Variants in PUS10 observed in about 807,000 individuals in gnomAD.
PUS10 encodes pseudouridine synthase 10.
In PUS10, 59 loss-of-function variants were observed where a neutral mutation model predicts 75.0. That is an observed-to-expected ratio of 0.79 (90% CI 0.64 to 0.98). PUS10 has a LOEUF of 0.98. PUS10 is among the 50% of genes least tolerant of loss of function. The pLI, the probability that PUS10 is intolerant of heterozygous loss-of-function variation, is 0.00. For synonymous variants in PUS10, 219 were observed against 211.6 expected, an observed-to-expected ratio of 1.03 and a Z score of -0.30; for missense variants, 650 against 614.4, an observed-to-expected ratio of 1.06 and a Z score of -0.61.
chr2:60,944,315 T>C (rs901316522), intron 17 of PUS10: 1 of 671,666 alleles, frequency 1.5e-6, no homozygotes, highest in African/African-American at 2.0e-5. Context: ...CAGTGATCAT[T>C]TGATTACCAT....
chr2:61,017,364 G>A (rs182987063), intron 1 of PUS10: 1 of 170,940 alleles, frequency 5.9e-6, no homozygotes, highest in East Asian at 1.6e-4. Flanking sequence ...AAAACTGCCT[G>A]GTTTGCCACC....
chr2:61,006,815 A>G (rs1679243203), intron 3 of PUS10, among the ~76,000 whole-genome samples, 172 bp from the exon 4 acceptor site: 1 of 152,234 alleles, frequency 6.6e-6, no homozygotes, highest in African/African-American at 2.4e-5. Context: ...TTGCCTAACT[A>G]TGACCCTGAA....
rs760214416 is a variant in PUS10, at chr2:60,948,087, C to T, written c.1407G>A (p.Val469=). The T allele has an allele frequency of 9.9e-6, 16 of 1,613,982 alleles. No individual in the cohort carries two copies. Among genetic ancestry groups the T allele is most frequent in the Non-Finnish European group, 1.3e-5 (15 of 1,180,028 alleles). Residue 469 remains valine (V), a synonymous_variant, in exon 16 of 18, where the codon GTG becomes GTA. Coordinates refer to ENST00000316752, the MANE Select transcript of PUS10 (RefSeq NM_144709.4). The part of the protein sequence containing the change: ...RVIHFMETQY[V]DEHHFRLHLK... Reference sequence around the variant, plus strand: ...AGTGGAGGCGGAAGTGGTGCTCATCCACGTACTGTGTCTCCATGAAGTGAA... The same window carrying T: ...AGTGGAGGCGGAAGTGGTGCTCATCTACGTACTGTGTCTCCATGAAGTGAA...
chr2:60,949,759 C>T (rs923284432), intron 15 of PUS10, among the ~76,000 whole-genome samples: 1 of 152,158 alleles, frequency 6.6e-6, no homozygotes. Context: ...ACCCTTTCAC[C>T]ACTTAGTCTG....
intron 4 of PUS10, among the ~76,000 whole-genome samples, chr2:60,977,277 A>C (rs1398280071): frequency 6.6e-6 from 1 of 152,156 alleles, no homozygotes; most frequent in East Asian, 1.9e-4. Flanking sequence ...GAGAGGTGTT[A>C]AAAATGGTGT....
rs375875983 is a variant in PUS10 at position 60,941,668 on chromosome 2, T to G, written c.*727A>C. Reference sequence around the variant, plus strand: ...CTGGGATTGAAGTTATTAAAGGCACTTGTTTCTCCTTATTTAAAAGATTTA... The same window carrying G: ...CTGGGATTGAAGTTATTAAAGGCACGTGTTTCTCCTTATTTAAAAGATTTA... On this transcript the variant is annotated 3_prime_UTR_variant, in exon 18 of 18. Transcript: ENST00000316752. The G allele has an allele frequency of 4.6e-5, 7 of 152,338 alleles. No homozygotes were observed. The East Asian group carries it at 1.3e-3, about 29-fold the overall frequency. 9.4% of individuals were successfully genotyped at this position (152,338 alleles called of 1,614,324 possible). A position where few individuals can be genotyped will look rare whatever the true frequency, so the allele number is the denominator to read the frequency against.
intron 15 of PUS10, among the ~76,000 whole-genome samples, chr2:60,952,793 C>T (rs529437848): frequency 6.6e-6 from 1 of 152,298 alleles, no homozygotes; most frequent in Admixed American, 6.5e-5. Flanking sequence ...GGGGGTCTTC[C>T]CCACTGGCCA....
intron 2 of PUS10, 33 bp downstream of exon 2, chr2:61,011,732 A>AC (rs936255022): frequency 7.0e-7 from 1 of 1,432,968 alleles, no homozygotes; most frequent in African/African-American, 1.5e-5. Flanking sequence ...CCTTCTCTTA[A>AC]TTTGAAAAAA....
In PUS10 at chr2:61,006,578, TG is replaced by T; in HGVS notation, c.446del (p.Pro149HisfsTer6). ...FTSLVFSVSF[P>X]PQLSVREHAA... ...TTACCTCTCTTACAGATAGTTGTGGTGGGAAGGAGACTGAAAATACCAAGCT... is the reference window on the plus strand; with the variant it reads ...TTACCTCTCTTACAGATAGTTGTGGTGGAAGGAGACTGAAAATACCAAGCT... On this transcript the variant is annotated frameshift_variant, in exon 4 of 18. Coordinates refer to ENST00000316752, the MANE Select transcript of PUS10 (RefSeq NM_144709.4). LOFTEE classifies it high-confidence loss of function. 1 of 1,613,476 alleles carries T rather than the reference TG, an allele frequency of 6.2e-7. No individual in the cohort carries two copies. The highest frequency in any genetic ancestry group is 2.2e-5 in the East Asian group (1 of 44,824).
At chr2:60,944,870 C>CT in intron 17 of PUS10, 139 bp downstream of exon 17, 1 of 621,396 alleles carries the variant, frequency 1.6e-6, no homozygotes, top group Non-Finnish European at 2.9e-6. Context: ...TCCCTCCCTT[C>CT]AATACAATGT....
chr2:60,947,978 G>T (rs1178967251), intron 16 of PUS10, 65 bp downstream of exon 16: 11 of 1,572,768 alleles, frequency 7.0e-6, no homozygotes, highest in Non-Finnish European at 9.6e-6. Context: ...TGTTTTCTAG[G>T]GGACCATGAA....
chr2:61,017,901 C>G (rs1680118940), intron 1 of PUS10, 107 bp downstream of exon 1: 2 of 1,520,198 alleles, frequency 1.3e-6, no homozygotes, highest in East Asian at 4.9e-5. Flanking sequence ...CGAGCGGGGA[C>G]TTGGCAGGAG....
intron 1 of PUS10, 106 bp from the exon 2 acceptor site, chr2:61,012,011 T>C: frequency 1.3e-6 from 1 of 776,460 alleles, no homozygotes; most frequent in Non-Finnish European, 1.9e-6. Context: ...AAAAACACTA[T>C]TGTGTACTCT....
intron 5 of PUS10, among the ~76,000 whole-genome samples, chr2:60,968,258 G>C (rs896701012): frequency 6.6e-6 from 1 of 152,038 alleles, no homozygotes; most frequent in Non-Finnish European, 1.5e-5. Context: ...GCTTTAGTTT[G>C]TAACCTAAAA....
chr2:60,948,017 C>T (rs375586378), intron 16 of PUS10, 26 bp downstream of exon 16: 5 of 1,613,156 alleles, frequency 3.1e-6, no homozygotes, highest in African/African-American at 1.3e-5. Flanking sequence ...GGTTCGATGG[C>T]GGCAGTGCAG....
At chr2:61,009,076 G>GT in intron 2 of PUS10, 61 bp from the exon 3 acceptor site, 1 of 1,443,426 alleles carries the variant, frequency 6.9e-7, no homozygotes. Context: ...GGCTTTCTAG[G>GT]TAAGATGAAA....
At chr2:60,944,003 C>T (rs1287171801) in intron 17 of PUS10, among the ~76,000 whole-genome samples, 2 of 151,994 alleles carry the variant, frequency 1.3e-5, no homozygotes, top group Non-Finnish European at 2.9e-5. Context: ...GTGGCTCATG[C>T]CTGTGGTCCC....
chr2:61,018,205 G>C lies in PUS10; in HGVS notation c.-213C>G, dbSNP rs1446059758. 1 of 1,550,916 alleles carries C rather than the reference G, an allele frequency of 6.4e-7. No homozygotes were observed. The highest frequency in any genetic ancestry group is 8.7e-7 in the Non-Finnish European group (1 of 1,146,934). On this transcript the variant is annotated 5_prime_UTR_variant, in exon 1 of 18. Transcript: ENST00000316752. Reference sequence around the variant, plus strand: ...AAAGCGTAGACTTTGGTCTGTAGCAGTTGAGAGCGGCATTTGTCCAGCCAC... The same window carrying C: ...AAAGCGTAGACTTTGGTCTGTAGCACTTGAGAGCGGCATTTGTCCAGCCAC...
At chr2:61,003,687 G>T (rs1016267176) in intron 4 of PUS10, among the ~76,000 whole-genome samples, 1 of 151,412 alleles carries the variant, frequency 6.6e-6, no homozygotes, top group African/African-American at 2.4e-5. Flanking sequence ...TGGGACTACA[G>T]ATACGCATCA....
Sources: allele counts gnomAD v4.1 joint callset (sites outside exome capture counted in the v4.1 genomes callset), GRCh38; gene constraint gnomAD v4.1.1; transcripts MANE v1.5; gene names NCBI Gene and HGNC (gene_info 2026-07-23, HGNC 2026-07-21).